Variants in KLHL29 observed in about 807,000 individuals in gnomAD.
KLHL29 encodes kelch-like protein 29.
A neutral mutation model predicts 80.4 loss-of-function variants in KLHL29; 21 were observed. The ratio of observed to expected loss-of-function variants is 0.26; its 90% CI spans 0.19 to 0.38. KLHL29 has a LOEUF of 0.38. KLHL29 is among the 10% of genes least tolerant of loss of function. KLHL29 has a pLI of 1.00. For synonymous variants in KLHL29, 511 were observed against 526.8 expected, an observed-to-expected ratio of 0.97 and a Z score of 0.41; for missense variants, 867 against 1,223.9, an observed-to-expected ratio of 0.71 and a Z score of 4.35.
At chr2:23,445,753 C>A (rs1663655248) in intron 1 of KLHL29, among the ~76,000 whole-genome samples, 1 of 152,218 alleles carries the variant, frequency 6.6e-6, no homozygotes, top group African/African-American at 2.4e-5. Flanking sequence ...ACAGCCTTAA[C>A]CACAAAATGC....
Position 23,385,720 on chromosome 2 carries a change from C to T in KLHL29, c.-214C>T. On this transcript the variant is annotated 5_prime_UTR_variant, in exon 1 of 14. Coordinates refer to ENST00000486442, the MANE Select transcript of KLHL29 (RefSeq NM_052920.2). ...TGTCCGCTCTCCATCAGCCCTCCTG[C>T]GCCCACCCGCGACCCCGGGCTCTCT... The T allele has an allele frequency of 6.1e-6, 1 of 162,790 alleles. No homozygotes were observed. The allele number at this position is 162,790 out of a possible 1,614,324, so 10.1% of individuals were successfully genotyped here. A position where few individuals can be genotyped will look rare whatever the true frequency, so the allele number is the denominator to read the frequency against.
At chr2:23,485,954 C>T (rs1294462295) in intron 2 of KLHL29, among the ~76,000 whole-genome samples, 1 of 152,348 alleles carries the variant, frequency 6.6e-6, no homozygotes, top group East Asian at 1.9e-4. Context: ...CTGGCTGAGT[C>T]ATGGACTTAA....
chr2:23,424,126 G>T (rs1225645311), intron 1 of KLHL29, among the ~76,000 whole-genome samples: 5 of 152,286 alleles, frequency 3.3e-5, no homozygotes, highest in Middle Eastern at 3.4e-3. Context: ...AGGAACGGTG[G>T]GTAGAACCGA....
rs764527353 is a variant in KLHL29 at position 23,680,684 on chromosome 2, C to T, written c.941-3715C>T. On this transcript the variant is annotated intron_variant, in intron 5 of 13. Coordinates refer to ENST00000486442, the MANE Select transcript of KLHL29 (RefSeq NM_052920.2). This position sits in a 1 kb window ranked among gnomAD's most constrained non-coding sequence, Gnocchi z 4.1. ...TCTTCTCCTGGGCTCTCTAGGCCAT[C>T]TTCCCCTGGGGTCTCTAGGCCATCT... 3.3e-5 allele frequency among the ~76,000 whole-genome samples: 5 copies of T among 151,144 alleles called. No homozygotes were observed. Among genetic ancestry groups the T allele is most frequent in the Non-Finnish European group, 5.9e-5 (4 of 67,662 alleles).
intron 3 of KLHL29, among the ~76,000 whole-genome samples, chr2:23,568,195 G>T (rs190343304): frequency 2.6e-5 from 4 of 151,750 alleles, no homozygotes; most frequent in Admixed American, 2.6e-4. Flanking sequence ...CTTAGTCTGG[G>T]CAAAAAAAAA....
At chr2:23,552,979 C>T (rs891506185) in intron 2 of KLHL29, among the ~76,000 whole-genome samples, 9 of 152,064 alleles carry the variant, frequency 5.9e-5, no homozygotes, top group African/African-American at 1.4e-4. Flanking sequence ...AGGCTGGTCT[C>T]GAACTCCTGA....
intron 1 of KLHL29, among the ~76,000 whole-genome samples, chr2:23,427,109 C>T (rs1663025300): frequency 6.6e-6 from 1 of 152,144 alleles, no homozygotes; most frequent in East Asian, 1.9e-4. Flanking sequence ...TACTCTTTTT[C>T]CCAAAACAGT....
At chr2:23,632,043 C>G (rs1013966744) in intron 3 of KLHL29, among the ~76,000 whole-genome samples, 1 of 152,184 alleles carries the variant, frequency 6.6e-6, no homozygotes, top group African/African-American at 2.4e-5. Flanking sequence ...CGCCCAACAC[C>G]AACTGAAGCA....
intron 5 of KLHL29, among the ~76,000 whole-genome samples, chr2:23,670,902 T>A (rs1470538481): frequency 1.1e-5 from 1 of 93,878 alleles, no homozygotes; most frequent in African/African-American, 3.6e-5. Flanking sequence ...GAGGGGTCTC[T>A]ACACACATGC....
intron 1 of KLHL29, among the ~76,000 whole-genome samples, chr2:23,398,736 C>T (rs1379352183): frequency 6.6e-6 from 1 of 152,190 alleles, no homozygotes; most frequent in Non-Finnish European, 1.5e-5. Context: ...AACTTTCATG[C>T]TTTCATGGAG....
At chr2:23,532,521 A>G in intron 2 of KLHL29, 2 of 455,736 alleles carry the variant, frequency 4.4e-6, no homozygotes, top group Admixed American at 2.4e-5. Context: ...TGCATCGCCA[A>G]GGTTAGACTT....
rs72784280 is a variant in KLHL29, at chr2:23,519,198, C to A, written c.-45-42954C>A. ...GACAGCCTCCCTAGGTAAACTGACA[C>A]TGACCCTCCGCTAGTCAGTCTTGGA... On this transcript the variant is annotated intron_variant, in intron 2 of 13. Coordinates refer to ENST00000486442, the MANE Select transcript of KLHL29 (RefSeq NM_052920.2). Among the ~76,000 whole-genome samples the A allele has an allele frequency of 2.9e-3, 443 of 152,296 alleles. 2 individuals carry two copies. Among genetic ancestry groups the A allele is most frequent in the Non-Finnish European group, 5.6e-3 (379 of 68,016 alleles).
chr2:23,500,789 C>T (rs766438137), intron 2 of KLHL29, among the ~76,000 whole-genome samples: 2 of 152,180 alleles, frequency 1.3e-5, no homozygotes, highest in Non-Finnish European at 2.9e-5. Flanking sequence ...CATCCCCTTG[C>T]GACAATTTAT....
chr2:23,461,738 G>A (rs754101905), intron 1 of KLHL29, among the ~76,000 whole-genome samples: 9 of 151,594 alleles, frequency 5.9e-5, no homozygotes, highest in Non-Finnish European at 1.2e-4. Flanking sequence ...CAGGGGGGCG[G>A]GAAATAGATG....
chr2:23,569,455 A>G (rs934053581), intron 3 of KLHL29, among the ~76,000 whole-genome samples: 2 of 152,218 alleles, frequency 1.3e-5, no homozygotes, highest in African/African-American at 2.4e-5. Context: ...ACATAAATCT[A>G]CTTCTTACTC....
intron 1 of KLHL29, among the ~76,000 whole-genome samples, chr2:23,471,395 C>CT (rs1479418752): frequency 1.2e-4 from 18 of 152,280 alleles, no homozygotes; most frequent in African/African-American, 4.3e-4. Flanking sequence ...CAGTTTGGTT[C>CT]ATGTTAGGAA....
At chr2:23,511,866 C>T (rs1376032816) in intron 2 of KLHL29, among the ~76,000 whole-genome samples, 2 of 152,092 alleles carry the variant, frequency 1.3e-5, no homozygotes, top group East Asian at 1.9e-4. Flanking sequence ...GTGAACAACA[C>T]GTGCTGGTGG....
intron 1 of KLHL29, among the ~76,000 whole-genome samples, chr2:23,422,267 G>A (rs771768079): frequency 1.1e-4 from 17 of 151,822 alleles, no homozygotes; most frequent in South Asian, 4.2e-4. Flanking sequence ...GTGTCTGTGT[G>A]TGCCTATGTA....
At chr2:23,458,104 C>T (rs897346785) in intron 1 of KLHL29, among the ~76,000 whole-genome samples, 3 of 152,202 alleles carry the variant, frequency 2.0e-5, no homozygotes, top group Admixed American at 6.5e-5. Flanking sequence ...GTGCTATAGG[C>T]GTCAGTGCAC....
Sources: allele counts gnomAD v4.1 joint callset (sites outside exome capture counted in the v4.1 genomes callset), GRCh38; gene constraint gnomAD v4.1.1; non-coding constraint Gnocchi (gnomAD v3.1); transcripts MANE v1.5; gene names NCBI Gene and HGNC (gene_info 2026-07-23, HGNC 2026-07-21).